Variants in FBXO25 observed in about 807,000 individuals in gnomAD.
FBXO25 encodes F-box only protein 25.
Under a neutral mutation model 51.9 loss-of-function variants are expected in FBXO25, and 45 were observed. The ratio of observed to expected loss-of-function variants is 0.87; its 90% CI spans 0.68 to 1.11. The LOEUF (loss-of-function observed/expected upper bound fraction) is 1.11, where lower values mean the gene tolerates loss of function less well. Ranked by LOEUF, FBXO25 falls within the 50% of genes most tolerant of loss-of-function variation. The probability of loss-of-function intolerance (pLI) is 0.00; values close to 1 mark genes in which losing one functional copy is unlikely to be tolerated. For synonymous variants in FBXO25, 199 were observed against 151.0 expected (o/e 1.32, Z -2.33); for missense variants, 507 against 428.5 (o/e 1.18, Z -1.62).
At chr8:443,223 T>C (rs1324781920) in intron 5 of FBXO25, among the ~76,000 whole-genome samples, 1 of 151,292 alleles carries the variant, frequency 6.6e-6, no homozygotes, top group African/African-American at 2.4e-5. Context: ...GGCTCCTCAT[T>C]ATACGGCATG....
At chr8:413,569 T>C (rs961716856) in intron 2 of FBXO25, among the ~76,000 whole-genome samples, 2 of 152,084 alleles carry the variant, frequency 1.3e-5, no homozygotes, top group African/African-American at 4.8e-5. Flanking sequence ...GACAAATCAG[T>C]TTTTCTCCCT....
At chr8:436,475 A>G (rs1046805178) in intron 5 of FBXO25, among the ~76,000 whole-genome samples, 5 of 152,196 alleles carry the variant, frequency 3.3e-5, no homozygotes, top group Non-Finnish European at 5.9e-5. Context: ...AGCCTTAGAT[A>G]ATATTATTTG....
rs1800583963 is a variant in FBXO25, at chr8:474,474, T to C, written c.*5670T>C. ...TGTTTAATTTCTTAGGGCACTGCCATAAGTGTTTTACACGGTGGCTGCACC... is the reference window on the plus strand; with the variant it reads ...TGTTTAATTTCTTAGGGCACTGCCACAAGTGTTTTACACGGTGGCTGCACC... On this transcript the variant is annotated 3_prime_UTR_variant, in exon 10 of 10. Coordinates refer to ENST00000350302, the MANE Select transcript of FBXO25 (RefSeq NM_183420.2). 3.1e-6 allele frequency: 1 copy of C among 325,252 alleles called. No individual in the cohort carries two copies. The highest frequency in any genetic ancestry group is 2.2e-5 in the African/African-American group (1 of 45,296). 20.1% of individuals were successfully genotyped at this position (325,252 alleles called of 1,614,324 possible).
intron 5 of FBXO25, among the ~76,000 whole-genome samples, chr8:438,404 A>T (rs546902189): frequency 6.6e-6 from 1 of 152,338 alleles, no homozygotes; most frequent in South Asian, 2.1e-4. Flanking sequence ...TTTTCCATCT[A>T]AACAGCAATT....
chr8:451,217 T>A, intron 6 of FBXO25, 52 bp from the exon 7 acceptor site: 2 of 1,499,680 alleles, frequency 1.3e-6, no homozygotes, highest in Non-Finnish European at 1.8e-6. Flanking sequence ...GATCTTTTTT[T>A]AAAGTGTTGC....
In FBXO25 at chr8:477,613, G is replaced by C. The variant is rs1289453851; in HGVS notation, c.*8809G>C. ...GCTGCAAGGATAGGTACACACAGGG[G>C]AGTGAAGCAGGGCTTGGAGCAGATG... On this transcript the variant is annotated 3_prime_UTR_variant, in exon 10 of 10. Coordinates refer to ENST00000350302, the MANE Select transcript of FBXO25 (RefSeq NM_183420.2). 6.6e-6 allele frequency: 1 copy of C among 152,268 alleles called. No individual in the cohort carries two copies. The highest frequency in any genetic ancestry group is 6.5e-5 in the Admixed American group (1 of 15,290). The allele number at this position is 152,268 out of a possible 1,614,324, so 9.4% of individuals were successfully genotyped here. A position where few individuals can be genotyped will look rare whatever the true frequency, so the allele number is the denominator to read the frequency against.
At chr8:465,101 A>C (rs1800066415) in intron 9 of FBXO25, among the ~76,000 whole-genome samples, 1 of 152,224 alleles carries the variant, frequency 6.6e-6, no homozygotes, top group Non-Finnish European at 1.5e-5. Flanking sequence ...AGTAGAAGCC[A>C]CAGGCAGATG....
chr8:439,541 C>T (rs557665388), intron 5 of FBXO25, among the ~76,000 whole-genome samples: 52 of 152,348 alleles, frequency 3.4e-4, no homozygotes, highest in African/African-American at 1.3e-3. Flanking sequence ...GTGTCACATA[C>T]TTCCAGGGGT....
chr8:423,424 GT>G (rs1008597752), intron 2 of FBXO25, among the ~76,000 whole-genome samples: 1 of 151,944 alleles, frequency 6.6e-6, no homozygotes, highest in African/African-American at 2.4e-5. Flanking sequence ...CCAATAGGTA[GT>G]TTTTTTTAAC....
Position 474,028 on chromosome 8 carries a change from A to G in FBXO25, c.*5224A>G, listed in dbSNP as rs1327616969. 1 of 152,178 alleles carries G rather than the reference A, an allele frequency of 6.6e-6. No individual in the cohort carries two copies. Among genetic ancestry groups the G allele is most frequent in the Non-Finnish European group, 1.5e-5 (1 of 68,106 alleles). The allele number at this position is 152,178 out of a possible 1,614,324, so 9.4% of individuals were successfully genotyped here. A position where few individuals can be genotyped will look rare whatever the true frequency, so the allele number is the denominator to read the frequency against. Reference sequence around the variant, plus strand: ...TTCATACTGTGCAACCTTCTCTACCACGTATCCACAAGTTCAACTTTACAA... The same window carrying G: ...TTCATACTGTGCAACCTTCTCTACCGCGTATCCACAAGTTCAACTTTACAA... On this transcript the variant is annotated 3_prime_UTR_variant, in exon 10 of 10. Transcript: ENST00000350302.
intron 2 of FBXO25, among the ~76,000 whole-genome samples, chr8:429,264 C>T (rs376274337): frequency 6.6e-6 from 1 of 152,020 alleles, no homozygotes; most frequent in East Asian, 1.9e-4. Flanking sequence ...AGTATCTCAT[C>T]GTAGTGTTAA....
chr8:458,369 C>T lies in FBXO25; in HGVS notation c.661C>T (p.Gln221Ter). 1.2e-6 allele frequency: 2 copies of T among 1,612,354 alleles called. No individual in the cohort carries two copies. Among genetic ancestry groups the T allele is most frequent in the Non-Finnish European group, 1.7e-6 (2 of 1,179,234 alleles). ...AGTTGCTGTTGTGTTTTCCTTTCAG[C>T]AAGTGAACAATGGCCTCACCCTCAG... ...QQLQDLQMTK[Q>*]VNNGLTLSDL... Residue 221 changes from glutamine to a stop codon, truncating the protein, a stop_gained and splice_region_variant, in exon 8 of 10, where the codon CAA (glutamine) becomes TAA (stop). Transcript: ENST00000350302. LOFTEE classifies it high-confidence loss of function.
chr8:438,842 A>G (rs1172024479), intron 5 of FBXO25, among the ~76,000 whole-genome samples: 1 of 152,170 alleles, frequency 6.6e-6, no homozygotes, highest in Non-Finnish European at 1.5e-5. Flanking sequence ...CCTTGGCCTC[A>G]CCGCCCCCAT....
At chr8:446,051 G>A (rs1486805136) in intron 5 of FBXO25, among the ~76,000 whole-genome samples, 1 of 152,084 alleles carries the variant, frequency 6.6e-6, no homozygotes, top group African/African-American at 2.4e-5. Context: ...CTGGTGGGAT[G>A]GAGGGGATTA....
chr8:451,114 T>C (rs1563088408), intron 6 of FBXO25, 155 bp from the exon 7 acceptor site: 2 of 610,384 alleles, frequency 3.3e-6, no homozygotes, highest in Non-Finnish European at 5.4e-6. Flanking sequence ...AGAATTTCCC[T>C]CCTTTTTAGG....
chr8:462,895 G>A (rs1799907411), intron 8 of FBXO25, 112 bp from the exon 9 acceptor site: 1 of 1,249,628 alleles, frequency 8.0e-7, no homozygotes, highest in African/African-American at 1.5e-5. Context: ...TAAAGCTATT[G>A]AAGTTTAAAA....
chr8:439,531 G>A lies in FBXO25; in HGVS notation c.381+3824G>A, dbSNP rs181497281. Among the ~76,000 whole-genome samples the A allele has an allele frequency of 6.6e-4, 100 of 152,344 alleles. No individual in the cohort carries two copies. In the Middle Eastern group the frequency reaches 0.014, roughly 21 times the overall value. ...GTGGACCAATTAGATAGCACATCCA[G>A]TGTCACATACTTCCAGGGGTACTGT... On this transcript the variant is annotated intron_variant, in intron 5 of 9. Coordinates refer to ENST00000350302, the MANE Select transcript of FBXO25 (RefSeq NM_183420.2).
chr8:443,071 G>C (rs1188881914), intron 5 of FBXO25, among the ~76,000 whole-genome samples: 4 of 151,758 alleles, frequency 2.6e-5, no homozygotes, highest in Non-Finnish European at 5.9e-5. Flanking sequence ...TGAAGGAAGT[G>C]CTCCTCAGCT....
intron 8 of FBXO25, among the ~76,000 whole-genome samples, chr8:462,575 A>C (rs538584497): frequency 6.6e-6 from 1 of 152,250 alleles, no homozygotes; most frequent in Non-Finnish European, 1.5e-5. Context: ...TGTTTTATGT[A>C]CTACACTGCC....
Sources: gnomAD v4.1 joint callset for allele counts (sites outside exome capture counted in the v4.1 genomes callset) on GRCh38, gnomAD v4.1.1 for gene constraint, MANE v1.5 for transcripts, NCBI Gene and HGNC (gene_info 2026-07-23, HGNC 2026-07-21) for gene names.